Variants in CACNA1H observed in about 807,000 individuals in gnomAD.
CACNA1H encodes voltage-dependent T-type calcium channel subunit alpha-1H.
CACNA1H carries 149 observed loss-of-function variants against 192.5 expected under a neutral mutation model. The ratio of observed to expected loss-of-function variants is 0.77; its 90% CI spans 0.68 to 0.89. The LOEUF (loss-of-function observed/expected upper bound fraction) is 0.89, where lower values mean the gene tolerates loss of function less well. Among genes scored for constraint, CACNA1H ranks in the 40% least tolerant of loss-of-function variants. CACNA1H has a pLI of 0.00. For missense variants in CACNA1H, 4,257 were observed against 3,423.5 expected (o/e 1.24, Z -6.08); for synonymous variants, 2,202 against 1,475.2 (o/e 1.49, Z -11.29).
intron 2 of CACNA1H, among the ~76,000 whole-genome samples, chr16:1,165,155 G>C (rs760171224): frequency 6.6e-6 from 1 of 152,144 alleles, no homozygotes; most frequent in Non-Finnish European, 1.5e-5. Flanking sequence ...GGGTGCGGCA[G>C]GCACCAGCTG....
rs1216925013 is a variant in CACNA1H, at chr16:1,207,799, G to C, written c.3093G>C (p.Glu1031Asp). The change falls in exon 15 of 35, where the codon GAG (glutamate) becomes GAC (aspartate). Residue 1031 changes from glutamate to aspartate, a missense_variant. By Grantham distance (45) the Glu-to-Asp change is conservative (BLOSUM62 2). Transcript: ENST00000348261. ...EGDANRSDTD[E>D]DKTSVHFEED... ...ATGCCAACAGATCCGACACGGACGAGGACAAGACGTCGGTCCACTTCGAGG... is the reference window on the plus strand; with the variant it reads ...ATGCCAACAGATCCGACACGGACGACGACAAGACGTCGGTCCACTTCGAGG... 6.2e-6 allele frequency: 10 copies of C among 1,603,294 alleles called. No homozygotes were observed. Among genetic ancestry groups the C allele is most frequent in the Non-Finnish European group, 8.5e-6 (10 of 1,175,170 alleles).
chr16:1,155,353 G>A (rs1298102191), intron 2 of CACNA1H, among the ~76,000 whole-genome samples: 1 of 152,218 alleles, frequency 6.6e-6, no homozygotes, highest in Admixed American at 6.5e-5. Flanking sequence ...GGGAGCCGAG[G>A]TGCAGGCCCG....
chr16:1,214,949 C>T, intron 27 of CACNA1H, 23 bp from the exon 28 acceptor site: 1 of 1,559,940 alleles, frequency 6.4e-7, no homozygotes, highest in Non-Finnish European at 8.7e-7. Flanking sequence ...CCCACCTCAG[C>T]CAGCCCGACC....
intron 2 of CACNA1H, among the ~76,000 whole-genome samples, chr16:1,174,177 G>T (rs529575189): frequency 2.0e-5 from 3 of 152,288 alleles, no homozygotes; most frequent in African/African-American, 7.2e-5. Flanking sequence ...CCAAGGAAGG[G>T]CAGAGGTCCT....
chr16:1,200,700 G>C lies in CACNA1H; in HGVS notation c.1120-16G>C. ...GAGGGGTCGTGCGGGCCCAAGTCAA[G>C]CCACTGCCCCCCCAGGTGATCACGC... On this transcript the variant is annotated splice_polypyrimidine_tract_variant and intron_variant, in intron 7 of 34. Transcript: ENST00000348261. The C allele has an allele frequency of 6.4e-7, 1 of 1,566,282 alleles. No homozygotes were observed. Among genetic ancestry groups the C allele is most frequent in the Non-Finnish European group, 8.7e-7 (1 of 1,155,518 alleles).
intron 2 of CACNA1H, among the ~76,000 whole-genome samples, chr16:1,165,172 G>A (rs74004823): frequency 0.023 from 3,473 of 152,240 alleles, 99 homozygotes; most frequent in African/African-American, 0.064. Flanking sequence ...GCTGACCACC[G>A]TGGCGCGATT....
intron 2 of CACNA1H, among the ~76,000 whole-genome samples, chr16:1,177,726 C>A (rs912391358): frequency 6.6e-6 from 1 of 151,782 alleles, no homozygotes; most frequent in African/African-American, 2.4e-5. Context: ...TCCACGGGGG[C>A]CACTTCTGGG....
At chr16:1,208,934 T>C (rs1271751235) in intron 16 of CACNA1H, 98 bp from the exon 17 acceptor site, 6 of 1,254,742 alleles carry the variant, frequency 4.8e-6, no homozygotes, top group African/African-American at 4.7e-5. Flanking sequence ...ATGCATTAAA[T>C]GATCCACGTG....
intron 34 of CACNA1H, among the ~76,000 whole-genome samples, chr16:1,219,664 G>C (rs1970323037): frequency 6.6e-6 from 1 of 152,236 alleles, no homozygotes; most frequent in African/African-American, 2.4e-5. Flanking sequence ...GCCCCATCCT[G>C]GGGGTGCCCA....
At chr16:1,185,509 C>CG (rs1965905811) in intron 2 of CACNA1H, among the ~76,000 whole-genome samples, 1 of 143,880 alleles carries the variant, frequency 7.0e-6, no homozygotes, top group Non-Finnish European at 1.5e-5. Flanking sequence ...AGTCCCCCCC[C>CG]CCGCCGAGTC....
intron 2 of CACNA1H, among the ~76,000 whole-genome samples, chr16:1,188,936 G>A (rs371534242): frequency 1.1e-3 from 166 of 152,334 alleles, no homozygotes; most frequent in African/African-American, 3.8e-3. Context: ...CTCCTGGCCC[G>A]CCAGGGGCTG....
intron 6 of CACNA1H, among the ~76,000 whole-genome samples, 195 bp from the exon 7 acceptor site, chr16:1,200,060 CT>C (rs1367718430): frequency 6.6e-6 from 1 of 152,116 alleles, no homozygotes; most frequent in Non-Finnish European, 1.5e-5. Context: ...GCTGTGTCCC[CT>C]GATCCGGGTC....
chr16:1,215,451 C>CG, intron 29 of CACNA1H, 72 bp from the exon 30 acceptor site: 9 of 800,494 alleles, frequency 1.1e-5, no homozygotes, highest in Non-Finnish European at 1.8e-5. Flanking sequence ...GAGTGAGGGG[C>CG]GGGGCGGCCA....
intron 16 of CACNA1H, among the ~76,000 whole-genome samples, 180 bp from the exon 17 acceptor site, chr16:1,208,852 A>G (rs531830866): frequency 6.6e-6 from 1 of 152,172 alleles, no homozygotes; most frequent in Admixed American, 6.5e-5. Flanking sequence ...CCTGACCCTC[A>G]TGAGCTACGC....
chr16:1,206,442 A>G, intron 12 of CACNA1H, 153 bp downstream of exon 12: 1 of 695,684 alleles, frequency 1.4e-6, no homozygotes, highest in South Asian at 1.9e-5. Context: ...TTCATTTGAG[A>G]AGCACTGATT....
At chr16:1,209,647 G>A (rs929598754) in intron 17 of CACNA1H, among the ~76,000 whole-genome samples, 8 of 152,234 alleles carry the variant, frequency 5.3e-5, no homozygotes, top group South Asian at 2.1e-4. Flanking sequence ...CTCCACGCAC[G>A]GCCTGCATAC....
intron 5 of CACNA1H, among the ~76,000 whole-genome samples, chr16:1,196,447 C>T (rs751855475): frequency 1.1e-4 from 17 of 152,174 alleles, no homozygotes; most frequent in South Asian, 6.2e-4. Flanking sequence ...TGTGAAGCCC[C>T]GCCTTCACAC....
intron 11 of CACNA1H, 125 bp from the exon 12 acceptor site, chr16:1,205,979 C>T (rs1357940512): frequency 2.0e-5 from 17 of 854,456 alleles, no homozygotes; most frequent in Admixed American, 2.8e-5. Flanking sequence ...GCCATACCCT[C>T]TCCCATCTGT....
chr16:1,177,278 G>A (rs1964982849), intron 2 of CACNA1H, among the ~76,000 whole-genome samples: 1 of 152,198 alleles, frequency 6.6e-6, no homozygotes, highest in South Asian at 2.1e-4. Context: ...CTCCAGGGCC[G>A]GGTCCCCTGC....
Sources: allele counts gnomAD v4.1 joint callset (sites outside exome capture counted in the v4.1 genomes callset), GRCh38; gene constraint gnomAD v4.1.1; transcripts MANE v1.5; gene names NCBI Gene and HGNC (gene_info 2026-07-23, HGNC 2026-07-21).